Variants in PRDM2 observed in about 807,000 individuals in gnomAD.
The protein encoded by PRDM2 is PR/SET domain 2.
Under a neutral mutation model 130.0 loss-of-function variants are expected in PRDM2, and 30 were observed. The ratio of observed to expected loss-of-function variants is 0.23; its 90% CI spans 0.17 to 0.31. The LOEUF is 0.31. Among genes scored for constraint, PRDM2 ranks in the 10% least tolerant of loss-of-function variants. PRDM2 has a pLI of 1.00. For synonymous variants in PRDM2, 871 were observed against 782.4 expected, an observed-to-expected ratio of 1.11 and a Z score of -1.89; for missense variants, 2,011 against 2,108.4, an observed-to-expected ratio of 0.95 and a Z score of 0.90.
chr1:13,780,285 C>T lies in PRDM2; in HGVS notation c.2490C>T (p.Val830=). 1 of 1,614,070 alleles carries T rather than the reference C, an allele frequency of 6.2e-7. No homozygotes were observed. The highest frequency in any genetic ancestry group is 8.5e-7 in the Non-Finnish European group (1 of 1,180,018). ...NQQPLDLSSG[V]KQKAEGTGKT... Reference sequence around the variant, plus strand: ...AGCCACTGGATTTATCCAGCGGTGTCAAACAGAAGGCTGAGGGTACAGGCA... The same window carrying T: ...AGCCACTGGATTTATCCAGCGGTGTTAAACAGAAGGCTGAGGGTACAGGCA... The change falls in exon 8 of 10, where the codon GTC becomes GTT. Residue 830 remains valine (V), a synonymous_variant. Transcript: ENST00000311066.
chr1:13,718,593 C>G (rs1322574213), intron 2 of PRDM2, among the ~76,000 whole-genome samples: 3 of 152,148 alleles, frequency 2.0e-5, no homozygotes, highest in Non-Finnish European at 4.4e-5. Flanking sequence ...CTTTCTTTCT[C>G]TTCCCTTCTG....
chr1:13,779,714 G>C lies in PRDM2; in HGVS notation c.1919G>C (p.Arg640Thr). 1 of 1,614,044 alleles carries C rather than the reference G, an allele frequency of 6.2e-7. No homozygotes were observed. Among genetic ancestry groups the C allele is most frequent in the Non-Finnish European group, 8.5e-7 (1 of 1,180,012 alleles). ...ACAAATAGTGAGGCCAAGAAGCGGA[G>C]AACTGCGAGCCCACCTGCACTGCCC... ...GSTNSEAKKR[R>T]TASPPALPKI... Residue 640 changes from arginine to threonine, a missense_variant, in exon 8 of 10, where the codon AGA becomes ACA. Physicochemically the swap from Arg to Thr is moderately conservative, Grantham distance 71. Transcript: ENST00000311066. This position sits in a 1 kb window ranked among gnomAD's most constrained non-coding sequence, Gnocchi z 4.9.
chr1:13,783,466 T>C (rs1557656544), intron 8 of PRDM2, among the ~76,000 whole-genome samples: 1 of 152,216 alleles, frequency 6.6e-6, no homozygotes, highest in Non-Finnish European at 1.5e-5. Context: ...GAGACATGCT[T>C]GGAACTCCAG....
intron 2 of PRDM2, among the ~76,000 whole-genome samples, chr1:13,725,381 T>C (rs1642878374): frequency 6.6e-6 from 1 of 152,104 alleles, no homozygotes; most frequent in East Asian, 1.9e-4. Context: ...GTTTTTGTTT[T>C]TTTAGTAGAG....
At chr1:13,732,727 A>C in intron 3 of PRDM2, 52 bp from the exon 4 acceptor site, 1 of 1,318,264 alleles carries the variant, frequency 7.6e-7, no homozygotes, top group Non-Finnish European at 1.1e-6. Context: ...TAATGGTTTC[A>C]ATCTTTAAAA....
rs1284638669 is a variant in PRDM2, at chr1:13,769,067, T to A, written c.512-4011T>A. The A allele has an allele frequency of 3.3e-6, 3 of 898,352 alleles. No individual in the cohort carries two copies. In the African/African-American group the frequency reaches 5.4e-5, roughly 16 times the overall value. The allele number at this position is 898,352 out of a possible 1,614,324, so 55.6% of individuals were successfully genotyped here. On this transcript the variant is annotated intron_variant, in intron 6 of 9. Transcript: ENST00000311066. ...TGTCCTGTCCCTCTGCTGTTCCTTG[T>A]CATCATTTCCATTTCACTTCCCTTG...
At chr1:13,747,072 A>G (rs1315270186) in intron 5 of PRDM2, among the ~76,000 whole-genome samples, 1 of 152,240 alleles carries the variant, frequency 6.6e-6, no homozygotes, top group African/African-American at 2.4e-5. Flanking sequence ...TTCAGTTAGC[A>G]CTTCACTGAC....
intron 7 of PRDM2, among the ~76,000 whole-genome samples, chr1:13,775,951 T>G (rs189002571): frequency 6.6e-6 from 1 of 152,294 alleles, no homozygotes; most frequent in East Asian, 1.9e-4. Context: ...TGTCCCCAGA[T>G]AAGTCCACAT....
intron 2 of PRDM2, chr1:13,717,396 G>C: frequency 1.0e-6 from 1 of 985,248 alleles, no homozygotes; most frequent in East Asian, 1.1e-4. Context: ...TGTTTTGTTG[G>C]AGGAGTCTTG....
At position 13,779,487 on chromosome 1, in the gene PRDM2, AAACTT is replaced by A. The variant is rs753662913; in HGVS notation, c.1695_1699del (p.Asn565LysfsTer5). ...TGGACATTTCTAGCAATATCTCTGA[AAACTT>A]AAATTACTATATTGATGGTAAAATT... is the stretch of plus-strand genomic sequence containing the variant. On this transcript the variant is annotated frameshift_variant, in exon 8 of 10. Coordinates refer to ENST00000311066, the MANE Select transcript of PRDM2 (RefSeq NM_001393986.1). LOFTEE classifies it high-confidence loss of function. The surrounding 1 kb of genome is among the most constrained non-coding windows in gnomAD (Gnocchi z 4.9). 1.2e-6 allele frequency: 2 copies of A among 1,614,140 alleles called. No individual in the cohort carries two copies. The highest frequency in any genetic ancestry group is 1.7e-6 in the Non-Finnish European group (2 of 1,179,968).
intron 6 of PRDM2, among the ~76,000 whole-genome samples, chr1:13,764,282 A>G (rs982603417): frequency 6.6e-6 from 1 of 152,148 alleles, no homozygotes; most frequent in Non-Finnish European, 1.5e-5. Flanking sequence ...TTTATTTTGT[A>G]GTTGCCTCGT....
intron 8 of PRDM2, among the ~76,000 whole-genome samples, chr1:13,809,332 C>T (rs1044707998): frequency 1.3e-5 from 2 of 152,170 alleles, no homozygotes; most frequent in African/African-American, 4.8e-5. Flanking sequence ...AGGCGCCTTG[C>T]AGGACTCCAG....
In PRDM2 at chr1:13,811,742, C is replaced by G. The variant is rs943910606; in HGVS notation, c.5037-4685C>G. 3.3e-5 allele frequency among the ~76,000 whole-genome samples: 5 copies of G among 152,150 alleles called. No individual in the cohort carries two copies. In the South Asian group the frequency reaches 1.0e-3, roughly 32 times the overall value. Reference sequence around the variant, plus strand: ...GTGGGAAAAGCTGTGAGCAAAAGGCCCAGAAAGTCACAGAAAGACAGAAGG... The same window carrying G: ...GTGGGAAAAGCTGTGAGCAAAAGGCGCAGAAAGTCACAGAAAGACAGAAGG... On this transcript the variant is annotated intron_variant, in intron 8 of 9. Transcript: ENST00000311066.
At position 13,778,606 on chromosome 1, in the gene PRDM2, G is replaced by A; in HGVS notation, c.811G>A (p.Glu271Lys). The A allele has an allele frequency of 3.1e-6, 5 of 1,613,658 alleles. No individual in the cohort carries two copies. The highest frequency in any genetic ancestry group is 2.7e-5 in the African/African-American group (2 of 75,022). The change falls in exon 8 of 10, where the codon GAG becomes AAG. Residue 271 changes from glutamate (E) to lysine (K), a missense_variant. By Grantham distance (56) the Glu-to-Lys change is moderately conservative. Around this residue, in one of 5 missense-constraint regions of PRDM2, gnomAD observed 1,288 missense variants for 1,237.7 expected, o/e 1.04. Transcript: ENST00000311066. The stretch of plus-strand genomic sequence containing the variant: ...GGTGAATGATTTGGGGGAAGAGGAG[G>A]AGGAGGAAGAGGAGGAGGATGAAGA... ...CEVNDLGEEEEEEEEEDEEEE... is the reference protein window; with the variant it reads ...CEVNDLGEEEKEEEEEDEEEE...
chr1:13,709,999 A>C (rs1642319972), intron 1 of PRDM2, among the ~76,000 whole-genome samples: 1 of 152,250 alleles, frequency 6.6e-6, no homozygotes, highest in Admixed American at 6.5e-5. Context: ...GTGAATGTAC[A>C]AATCAAATAT....
Position 13,779,936 on chromosome 1 carries a change from T to C in PRDM2, c.2141T>C (p.Leu714Ser), listed in dbSNP as rs1337294507. The stretch of plus-strand genomic sequence containing the variant: ...ATTTCAGCAACTGAAATAGCTAAAT[T>C]AGGTCCTGTTTGTGTGTCTGCTCCT... ...AGISATEIAK[L>S]GPVCVSAPAS... The change falls in exon 8 of 10, where the codon TTA becomes TCA. Residue 714 changes from leucine to serine, a missense_variant. Transcript: ENST00000311066. This position sits in a 1 kb window ranked among gnomAD's most constrained non-coding sequence, Gnocchi z 4.9. 2.5e-6 allele frequency: 4 copies of C among 1,614,046 alleles called. No homozygotes were observed. In the African/African-American group the frequency reaches 5.3e-5, roughly 22 times the overall value.
At chr1:13,751,319 TTTAA>T (rs1181346626) in intron 6 of PRDM2, among the ~76,000 whole-genome samples, 2 of 152,206 alleles carry the variant, frequency 1.3e-5, no homozygotes, top group African/African-American at 2.4e-5. Context: ...AATCCTAGGT[TTTAA>T]TTAATTAAAA....
Position 13,779,878 on chromosome 1 carries a change from C to T in PRDM2, c.2083C>T (p.Leu695Phe), listed in dbSNP as rs1557648611. The change falls in exon 8 of 10, where the codon CTT (leucine) becomes TTT (phenylalanine). Residue 695 changes from leucine to phenylalanine, a missense_variant. Physicochemically the swap from Leu to Phe is conservative, Grantham distance 22. Coordinates refer to ENST00000311066, the MANE Select transcript of PRDM2 (RefSeq NM_001393986.1). This position sits in a 1 kb window ranked among gnomAD's most constrained non-coding sequence, Gnocchi z 4.9. ...TTTGTCATCAAAGCTCAAACAACTT[C>T]TTCAAACCCAAGATAAACTAACTCC... ...VYLSSKLKQL[L>F]QTQDKLTPAG... 3 of 1,606,566 alleles carry T rather than the reference C, an allele frequency of 1.9e-6. No individual in the cohort carries two copies. The highest frequency in any genetic ancestry group is 2.5e-6 in the Non-Finnish European group (3 of 1,178,650).
intron 8 of PRDM2, among the ~76,000 whole-genome samples, chr1:13,796,000 A>G (rs1644917227): frequency 6.6e-6 from 1 of 152,194 alleles, no homozygotes; most frequent in Non-Finnish European, 1.5e-5. Flanking sequence ...TGTATGCAGG[A>G]AGGCGAGTGG....
Sources: gnomAD v4.1 joint callset for allele counts (sites outside exome capture counted in the v4.1 genomes callset) on GRCh38, gnomAD v4.1.1 for gene constraint, gnomAD v4.1.1 regional missense constraint, Gnocchi (gnomAD v3.1) non-coding constraint, MANE v1.5 for transcripts, NCBI Gene and HGNC (gene_info 2026-07-23, HGNC 2026-07-21) for gene names.